Variants in PCDHGB2 observed in about 807,000 individuals in gnomAD.
The protein encoded by PCDHGB2 is protocadherin gamma subfamily B, 2.
In PCDHGB2, 55 loss-of-function variants were observed where a neutral mutation model predicts 59.3. The ratio of observed to expected loss-of-function variants is 0.93; its 90% CI spans 0.75 to 1.16. The LOEUF (loss-of-function observed/expected upper bound fraction) is 1.16. PCDHGB2 is among the 50% of genes most tolerant of loss of function. The probability of loss-of-function intolerance (pLI) is 0.00; values close to 1 mark genes in which losing one functional copy is unlikely to be tolerated. For synonymous variants in PCDHGB2, 516 were observed against 512.0 expected (o/e 1.01, Z -0.11); for missense variants, 1,228 against 1,198.5 (o/e 1.02, Z -0.36).
intron 1 of PCDHGB2, chr5:141,422,541 T>G: frequency 6.2e-7 from 1 of 1,613,992 alleles, no homozygotes; most frequent in Non-Finnish European, 8.5e-7. Context: ...CAGAAACTCA[T>G]GTCTGGCTGA....
chr5:141,418,509 G>A, intron 1 of PCDHGB2: 1 of 1,613,986 alleles, frequency 6.2e-7, no homozygotes. Context: ...GCCTTAGATG[G>A]TGGGGACCCT....
Position 141,431,668 on chromosome 5 carries a change from A to C in PCDHGB2, c.2422-63139A>C. ...ATTGTAATTCAGGGACAATATCAAC[A>C]ATAGGGGAGTTGGACCACGAGGAGT... is the stretch of plus-strand genomic sequence containing the variant. On this transcript the variant is annotated intron_variant, in intron 1 of 3. Coordinates refer to ENST00000522605, the MANE Select transcript of PCDHGB2 (RefSeq NM_018923.3). This position sits in a 1 kb window ranked among gnomAD's most constrained non-coding sequence, Gnocchi z 4.8. The C allele has an allele frequency of 6.2e-7, 1 of 1,614,208 alleles. No individual in the cohort carries two copies. Among genetic ancestry groups the C allele is most frequent in the Non-Finnish European group, 8.5e-7 (1 of 1,180,036 alleles).
At position 141,415,832 on chromosome 5, in the gene PCDHGB2, T is replaced by C. The variant is rs995620508; in HGVS notation, c.2421+53276T>C. On this transcript the variant is annotated intron_variant, in intron 1 of 3. Coordinates refer to ENST00000522605, the MANE Select transcript of PCDHGB2 (RefSeq NM_018923.3). ...GCCTATATATCATAAGGCTTTGTTA[T>C]GATTAGCTTTGCAGAACCTTGTAGT... 33 of 1,310,754 alleles carry C rather than the reference T, an allele frequency of 2.5e-5. No individual in the cohort carries two copies. The African/African-American group carries it at 4.7e-4, about 19-fold the overall frequency. 81.2% of individuals were successfully genotyped at this position (1,310,754 alleles called of 1,614,324 possible).
chr5:141,426,873 C>T (rs1299082117), intron 1 of PCDHGB2: 1 of 456,702 alleles, frequency 2.2e-6, no homozygotes, highest in East Asian at 6.9e-5. Context: ...GCTGGAGAAG[C>T]CCCTGGGCCA....
chr5:141,470,911 G>A (rs1208467445), intron 1 of PCDHGB2, among the ~76,000 whole-genome samples: 1 of 151,916 alleles, frequency 6.6e-6, no homozygotes, highest in Non-Finnish European at 1.5e-5. Context: ...AGATGGGACT[G>A]TCCCTATGTT....
chr5:141,419,660 A>C (rs759082983), intron 1 of PCDHGB2: 1 of 1,612,798 alleles, frequency 6.2e-7, no homozygotes, highest in Admixed American at 1.7e-5. Context: ...CTCGGGGCAC[A>C]ATGCCTGGCT....
chr5:141,384,847 G>A (rs781186343), intron 1 of PCDHGB2: 9 of 1,613,590 alleles, frequency 5.6e-6, no homozygotes, highest in Admixed American at 3.3e-5. Flanking sequence ...CCAGGACCAC[G>A]GTCAGCCTCC....
chr5:141,460,498 T>G (rs1028506755), intron 1 of PCDHGB2, among the ~76,000 whole-genome samples: 1 of 152,184 alleles, frequency 6.6e-6, no homozygotes. Context: ...TGGAAAAATA[T>G]GCTGAGAAGG....
intron 1 of PCDHGB2, chr5:141,422,992 G>A: frequency 6.2e-7 from 1 of 1,614,238 alleles, no homozygotes; most frequent in Non-Finnish European, 8.5e-7. Flanking sequence ...TGGCTACCTG[G>A]TGACCAAGGT....
chr5:141,404,875 C>T, intron 1 of PCDHGB2: 1 of 1,613,904 alleles, frequency 6.2e-7, no homozygotes, highest in Non-Finnish European at 8.5e-7. Flanking sequence ...TCAAACAGAG[C>T]CTTGTGGTGG....
rs373163257 is a variant in PCDHGB2 at position 141,383,286 on chromosome 5, C to A, written c.2421+20730C>A. 1 of 1,613,888 alleles carries A rather than the reference C, an allele frequency of 6.2e-7. No individual in the cohort carries two copies. The highest frequency in any genetic ancestry group is 8.5e-7 in the Non-Finnish European group (1 of 1,179,856). Reference sequence around the variant, plus strand: ...TGGAAATAATAGATATTAATGACAACGTTCCAAGATTCTTGACGGAAGAAA... The same window carrying A: ...TGGAAATAATAGATATTAATGACAAAGTTCCAAGATTCTTGACGGAAGAAA... On this transcript the variant is annotated intron_variant, in intron 1 of 3. Transcript: ENST00000522605.
intron 1 of PCDHGB2, chr5:141,392,892 G>A (rs2092623669): frequency 6.2e-7 from 1 of 1,613,702 alleles, no homozygotes; most frequent in Non-Finnish European, 8.5e-7. Context: ...GTGGGAAATC[G>A]GGAGGGGACA....
intron 1 of PCDHGB2, chr5:141,415,938 C>T (rs1351429284): frequency 3.4e-6 from 2 of 588,200 alleles, no homozygotes; most frequent in East Asian, 4.2e-5. Context: ...ATATTTCCTC[C>T]TGGGTGGTCA....
At chr5:141,364,543 G>A (rs374825504) in intron 1 of PCDHGB2, 26 of 1,614,010 alleles carry the variant, frequency 1.6e-5, no homozygotes, top group Middle Eastern at 1.6e-4. Context: ...CCAGAGGTAG[G>A]ACGCAGCTTT....
At position 141,360,033 on chromosome 5, in the gene PCDHGB2, C is replaced by G; in HGVS notation, c.-103C>G. On this transcript the variant is annotated 5_prime_UTR_variant, in exon 1 of 4. Transcript: ENST00000522605. ...CACACAGAGAAGGCCAGTATAGATT[C>G]GGAAACAGAAAACAAAAGCAGGAAA... 7.2e-7 allele frequency: 1 copy of G among 1,391,410 alleles called. No individual in the cohort carries two copies. The highest frequency in any genetic ancestry group is 9.5e-7 in the Non-Finnish European group (1 of 1,050,248). The allele number at this position is 1,391,410 out of a possible 1,614,324, so 86.2% of individuals were successfully genotyped here.
In PCDHGB2 at chr5:141,361,196, C is replaced by T. The variant is rs1018062167; in HGVS notation, c.1061C>T (p.Thr354Ile). ...APEVIVTSVS[T>I]PLPEDSPPGT... ...GAAGTTATTGTGACTTCAGTATCTA[C>T]TCCCCTACCGGAGGATTCGCCACCA... The change falls in exon 1 of 4, where the codon ACT becomes ATT. Residue 354 changes from threonine (T) to isoleucine (I), a missense_variant. Thr to Ile is a moderately conservative substitution (Grantham distance 89, BLOSUM62 -1). Around this residue, in one of 3 missense-constraint regions of PCDHGB2, gnomAD observed 781 missense variants for 721.6 expected, o/e 1.08. Transcript: ENST00000522605. 2 of 1,613,842 alleles carry T rather than the reference C, an allele frequency of 1.2e-6. No individual in the cohort carries two copies. The highest frequency in any genetic ancestry group is 1.3e-5 in the African/African-American group (1 of 74,918).
At chr5:141,422,639 C>G (rs777330051) in intron 1 of PCDHGB2, 1 of 1,612,662 alleles carries the variant, frequency 6.2e-7, no homozygotes. Flanking sequence ...AGGGGTGCCT[C>G]CATCTTCTCA....
At chr5:141,433,289 G>C in intron 1 of PCDHGB2, 1 of 1,130,682 alleles carries the variant, frequency 8.8e-7, no homozygotes, top group Non-Finnish European at 1.3e-6. Context: ...AAACTCCTAG[G>C]CTCAAGCAAT....
rs772264177 is a variant in PCDHGB2 at position 141,376,458 on chromosome 5, T to C, written c.2421+13902T>C. On this transcript the variant is annotated intron_variant, in intron 1 of 3. Coordinates refer to ENST00000522605, the MANE Select transcript of PCDHGB2 (RefSeq NM_018923.3). Reference sequence around the variant, plus strand: ...AGCTATGAGAAAAGCGAGCCTCTTCTGATAACTCAGGATTTACTTGAAACG... The same window carrying C: ...AGCTATGAGAAAAGCGAGCCTCTTCCGATAACTCAGGATTTACTTGAAACG... 14 of 1,614,106 alleles carry C rather than the reference T, an allele frequency of 8.7e-6. No individual in the cohort carries two copies. In the African/African-American group the frequency reaches 1.5e-4, roughly 17 times the overall value.
Sources: allele counts gnomAD v4.1 joint callset (sites outside exome capture counted in the v4.1 genomes callset), GRCh38; gene constraint gnomAD v4.1.1; regional missense constraint gnomAD v4.1.1; non-coding constraint Gnocchi (gnomAD v3.1); transcripts MANE v1.5; gene names NCBI Gene and HGNC (gene_info 2026-07-23, HGNC 2026-07-21).